Variants in CACNA1B observed in about 807,000 individuals in gnomAD.
CACNA1B encodes calcium voltage-gated channel subunit alpha1 B.
Under a neutral mutation model 247.2 loss-of-function variants are expected in CACNA1B, and 70 were observed. The observed-to-expected ratio is 0.28, with a 90% confidence interval of 0.23 to 0.35. The LOEUF is 0.35. CACNA1B is among the 10% of genes least tolerant of loss of function. CACNA1B has a pLI of 1.00. For missense variants in CACNA1B, 2,367 were observed against 3,197.4 expected, an observed-to-expected ratio of 0.74 and a Z score of 6.26; for synonymous variants, 1,231 against 1,294.4, an observed-to-expected ratio of 0.95 and a Z score of 1.05.
At chr9:137,956,707 C>A in intron 8 of CACNA1B, 64 bp from the exon 9 acceptor site, 1 of 1,370,686 alleles carries the variant, frequency 7.3e-7, no homozygotes, top group Non-Finnish European at 1.0e-6. Context: ...CAGAGATGTG[C>A]CTCTGTCCTG....
intron 40 of CACNA1B, among the ~76,000 whole-genome samples, chr9:138,113,675 C>T (rs1161271417): frequency 5.5e-4 from 62 of 111,974 alleles, no homozygotes; most frequent in East Asian, 5.4e-4. Context: ...TTGTGGGAGA[C>T]GTGAGGGAGC....
chr9:138,108,535 G>T (rs917199162), intron 39 of CACNA1B, among the ~76,000 whole-genome samples: 2 of 152,100 alleles, frequency 1.3e-5, no homozygotes, highest in African/African-American at 4.8e-5. Context: ...TCAGAGGCCA[G>T]CTTTGCTCTG....
chr9:137,921,938 G>T (rs1957487982), intron 6 of CACNA1B, among the ~76,000 whole-genome samples: 1 of 142,066 alleles, frequency 7.0e-6, no homozygotes, highest in Non-Finnish European at 1.5e-5. Context: ...TCAGCACCAC[G>T]ACCGCACAGC....
chr9:137,894,446 G>A lies in CACNA1B; in HGVS notation c.530+11563G>A, dbSNP rs146294441. Among the ~76,000 whole-genome samples the A allele has an allele frequency of 3.4e-4, 51 of 151,278 alleles. No individual in the cohort carries two copies. The East Asian group carries it at 9.2e-3, about 27-fold the overall frequency. On this transcript the variant is annotated intron_variant, in intron 3 of 46. Coordinates refer to ENST00000371372, the MANE Select transcript of CACNA1B (RefSeq NM_000718.4). ...TTTATTTTTTTTCAGATGGAGTCTC[G>A]CTCTGTCATCCAGGCTGGAGTGCAG... is the stretch of plus-strand genomic sequence containing the variant.
In CACNA1B at chr9:137,957,635, C is replaced by T. The variant is rs746925885; in HGVS notation, c.1281C>T (p.Asp427=). Residue 427 remains aspartate (D), a synonymous_variant, in exon 10 of 47, where the codon GAC becomes GAT. Transcript: ENST00000371372. The surrounding 1 kb of genome is among the most constrained non-coding windows in gnomAD (Gnocchi z 4.7). ...KRAATKKSRN[D]LIHAEEGEDR... is the part of the protein sequence containing the mutation. ...CGGCCACCAAGAAGAGCAGAAATGA[C>T]CTGATCCACGCAGAGGAGGGAGAGG... The T allele has an allele frequency of 1.2e-6, 2 of 1,603,296 alleles. No homozygotes were observed. The highest frequency in any genetic ancestry group is 1.7e-6 in the Non-Finnish European group (2 of 1,175,272).
chr9:137,894,923 G>T (rs1459260254), intron 3 of CACNA1B, among the ~76,000 whole-genome samples: 1 of 152,114 alleles, frequency 6.6e-6, no homozygotes, highest in Non-Finnish European at 1.5e-5. Flanking sequence ...TGTGGATAAG[G>T]CTTGTGGTGC....
intron 21 of CACNA1B, 85 bp downstream of exon 21, chr9:138,043,985 T>G: frequency 6.6e-7 from 1 of 1,503,832 alleles, no homozygotes; most frequent in African/African-American, 1.6e-5. Context: ...CAGCGTGCAC[T>G]GATTCTGCGC....
intron 6 of CACNA1B, among the ~76,000 whole-genome samples, chr9:137,945,782 C>T (rs554244760): frequency 1.2e-4 from 19 of 152,288 alleles, no homozygotes; most frequent in South Asian, 8.3e-4. Flanking sequence ...AGATCATCTA[C>T]GACATGCTTG....
chr9:138,000,249 C>T (rs1011116615), intron 15 of CACNA1B, among the ~76,000 whole-genome samples: 8 of 152,014 alleles, frequency 5.3e-5, no homozygotes, highest in Admixed American at 1.3e-4. Flanking sequence ...CAGGCGCCCG[C>T]CACTACGCCC....
In CACNA1B at chr9:138,033,487, G is replaced by T. The variant is rs1959008501; in HGVS notation, c.3286+8315G>T. 2.0e-5 allele frequency among the ~76,000 whole-genome samples: 3 copies of T among 152,188 alleles called. No individual in the cohort carries two copies. In the South Asian group the frequency reaches 6.2e-4, roughly 32 times the overall value. On this transcript the variant is annotated intron_variant, in intron 20 of 46. Transcript: ENST00000371372. ...TGAAACCTAGACTCTCAGTGGTATT[G>T]TGTTATGAGCCCTAAGTCTTATTTA...
At chr9:137,949,209 ATGTGTGGTGTGAGTGTGTGTGTGGTG>A (rs1957844435) in intron 6 of CACNA1B, among the ~76,000 whole-genome samples, 2 of 17,104 alleles carry the variant, frequency 1.2e-4, no homozygotes, top group African/African-American at 4.6e-4. Context: ...TGTGTCTGGT[ATGTGTGGTGTGAGTGTGTGTGTGGTG>A]TATGCATGTG....
chr9:138,114,652 A>C (rs886836539), intron 41 of CACNA1B, among the ~76,000 whole-genome samples, 162 bp downstream of exon 41: 1 of 152,178 alleles, frequency 6.6e-6, no homozygotes, highest in East Asian at 1.9e-4. Context: ...CCCCAGAGTC[A>C]GAAACTACAC....
chr9:138,121,769 C>T lies in CACNA1B; in HGVS notation c.6790C>T (p.Leu2264=). The T allele has an allele frequency of 1.2e-6, 2 of 1,613,326 alleles. No individual in the cohort carries two copies. The highest frequency in any genetic ancestry group is 2.2e-5 in the East Asian group (1 of 44,866). ...CTCTGACCCTTACCTGGGGCAGCGTCTGGACAGTGAGGCCTCTGTCCACGC... is the reference window on the plus strand; with the variant it reads ...CTCTGACCCTTACCTGGGGCAGCGTTTGGACAGTGAGGCCTCTGTCCACGC... The part of the protein sequence containing the change: ...IGSDPYLGQR[L]DSEASVHALP... The change falls in exon 47 of 47, where the codon CTG becomes TTG. Residue 2264 remains leucine (L), a synonymous_variant. Transcript: ENST00000371372. The surrounding 1 kb of genome is among the most constrained non-coding windows in gnomAD (Gnocchi z 6.8).
At chr9:137,975,728 G>T (rs556581069) in intron 11 of CACNA1B, among the ~76,000 whole-genome samples, 179 bp from the exon 12 acceptor site, 1 of 152,188 alleles carries the variant, frequency 6.6e-6, no homozygotes, top group Non-Finnish European at 1.5e-5. Flanking sequence ...GTACCTCTCC[G>T]TGTCCCTCTG....
rs1961478793 is a variant in CACNA1B at position 138,107,666 on chromosome 9, C to T, written c.5428+1859C>T. Among the ~76,000 whole-genome samples, 3 of 152,042 alleles carry T rather than the reference C, an allele frequency of 2.0e-5. No individual in the cohort carries two copies. The South Asian group carries it at 6.2e-4, about 32-fold the overall frequency. On this transcript the variant is annotated intron_variant, in intron 39 of 46. Transcript: ENST00000371372. ...TGGCCCCTTCTGTCTGCCTTCAACA[C>T]AACAGCCAGAGTGATCAGGTTAAAA...
chr9:138,074,479 G>T (rs757445968), intron 34 of CACNA1B, among the ~76,000 whole-genome samples: 15 of 152,210 alleles, frequency 9.9e-5, no homozygotes, highest in Non-Finnish European at 1.8e-4. Flanking sequence ...GACCTCAAGT[G>T]ATCCACCTGC....
At chr9:137,959,200 G>A (rs946627613) in intron 10 of CACNA1B, among the ~76,000 whole-genome samples, 3 of 152,110 alleles carry the variant, frequency 2.0e-5, no homozygotes, top group African/African-American at 7.2e-5. Flanking sequence ...AGCAACCCGA[G>A]TAGCTGGGAT....
At position 138,023,778 on chromosome 9, in the gene CACNA1B, A is replaced by G. The variant is rs1356106101; in HGVS notation, c.3035A>G (p.Asp1012Gly). 2 of 1,504,456 alleles carry G rather than the reference A, an allele frequency of 1.3e-6. No individual in the cohort carries two copies. The highest frequency in any genetic ancestry group is 2.0e-5 in the Admixed American group (1 of 50,882). The allele number at this position is 1,504,456 out of a possible 1,614,324, so 93.2% of individuals were successfully genotyped here. A position where few individuals can be genotyped will look rare whatever the true frequency, so the allele number is the denominator to read the frequency against. ...AAGGAGGCTGAGATAGTGGAAGCCG[A>G]CAAGGAAAAGGAGCTCCGGAACCAC... ...TEKEAEIVEA[D>G]KEKELRNHQP... is the part of the protein sequence containing the mutation. Residue 1012 changes from aspartate to glycine, a missense_variant, in exon 19 of 47, where the codon GAC (aspartate) becomes GGC (glycine). Physicochemically the swap from Asp to Gly is moderately conservative, Grantham distance 94. This residue lies in a region of CACNA1B where 631 missense variants were observed against 631.1 expected (regional missense o/e 1.00). Transcript: ENST00000371372.
intron 20 of CACNA1B, chr9:138,032,709 T>G: frequency 2.2e-6 from 1 of 455,510 alleles, no homozygotes; most frequent in Non-Finnish European, 4.4e-6. Context: ...TGCCTCTTCC[T>G]TCTGACCTCC....
Sources: gnomAD v4.1 joint callset for allele counts (sites outside exome capture counted in the v4.1 genomes callset) on GRCh38, gnomAD v4.1.1 for gene constraint, gnomAD v4.1.1 regional missense constraint, Gnocchi (gnomAD v3.1) non-coding constraint, MANE v1.5 for transcripts, NCBI Gene and HGNC (gene_info 2026-07-23, HGNC 2026-07-21) for gene names.